The following ADGB variants were observed in gnomAD, a reference collection of about 807,000 sequenced individuals.
The protein encoded by ADGB is calpain-7-like protein.
ADGB carries 172 observed loss-of-function variants against 210.5 expected under a neutral mutation model. The observed-to-expected ratio is 0.82, with a 90% CI of 0.72 to 0.93. The LOEUF (loss-of-function observed/expected upper bound fraction) is 0.93, where lower values mean the gene tolerates loss of function less well. Ranked by LOEUF, ADGB falls within the 40% of genes least tolerant of loss-of-function variation. The pLI is 0.00. For synonymous variants in ADGB, 658 were observed against 662.7 expected, an observed-to-expected ratio of 0.99 and a Z score of 0.11; for missense variants, 2,025 against 1,964.8, an observed-to-expected ratio of 1.03 and a Z score of -0.58.
At chr6:146,686,555 A>C (rs1776236911) in intron 10 of ADGB, among the ~76,000 whole-genome samples, 1 of 152,092 alleles carries the variant, frequency 6.6e-6, no homozygotes, top group African/African-American at 2.4e-5. Context: ...CATGATGTTA[A>C]ATTTTAATCA....
intron 33 of ADGB, among the ~76,000 whole-genome samples, chr6:146,800,802 T>G (rs941051066): frequency 6.6e-6 from 1 of 152,212 alleles, no homozygotes; most frequent in East Asian, 1.9e-4. Flanking sequence ...AGTGTAGCAT[T>G]TGGGCAAAGC....
intron 35 of ADGB, chr6:146,802,808 A>G: frequency 6.2e-7 from 1 of 1,607,818 alleles, no homozygotes; most frequent in Non-Finnish European, 8.5e-7. Flanking sequence ...ATGTAACTGT[A>G]ATAAATAAGC....
At chr6:146,664,166 T>C in intron 5 of ADGB, 35 bp from the exon 6 acceptor site, 1 of 1,519,682 alleles carries the variant, frequency 6.6e-7, no homozygotes, top group Non-Finnish European at 8.9e-7. Flanking sequence ...CTGTAAGCCA[T>C]TGATGGTATT....
chr6:146,610,340 A>G lies in ADGB; in HGVS notation c.74+11226A>G, dbSNP rs1279555649. Among the ~76,000 whole-genome samples the G allele has an allele frequency of 3.9e-5, 6 of 152,078 alleles. No individual in the cohort carries two copies. The East Asian group carries it at 1.2e-3, about 29-fold the overall frequency. ...CCAGATGCTGAATTCTATGTCTGTC[A>G]TTTCAGTCATTTGAGTCTGGTTGGG... is the stretch of plus-strand genomic sequence containing the variant. On this transcript the variant is annotated intron_variant, in intron 1 of 35. Transcript: ENST00000397944.
chr6:146,773,498 G>T (rs957110896), intron 29 of ADGB, among the ~76,000 whole-genome samples: 1 of 152,046 alleles, frequency 6.6e-6, no homozygotes, highest in African/African-American at 2.4e-5. Flanking sequence ...AGACCTAGAA[G>T]TTTAATCACT....
intron 9 of ADGB, among the ~76,000 whole-genome samples, chr6:146,685,191 C>A (rs1776213863): frequency 6.6e-6 from 1 of 151,890 alleles, no homozygotes; most frequent in Admixed American, 6.6e-5. Flanking sequence ...ACATTACAAA[C>A]AAATAAGCAA....
intron 12 of ADGB, among the ~76,000 whole-genome samples, chr6:146,697,696 A>G (rs1350661725): frequency 1.3e-5 from 2 of 152,164 alleles, no homozygotes; most frequent in Non-Finnish European, 2.9e-5. Flanking sequence ...AGTGGTTCTC[A>G]GAAGTAGGAG....
At chr6:146,797,149 AC>A (rs1442310228) in intron 33 of ADGB, among the ~76,000 whole-genome samples, 2 of 152,222 alleles carry the variant, frequency 1.3e-5, no homozygotes, top group Non-Finnish European at 2.9e-5. Flanking sequence ...ACAATGTGAT[AC>A]TACCTTATTC....
chr6:146,666,728 T>G, intron 6 of ADGB, 88 bp from the exon 7 acceptor site: 1 of 735,902 alleles, frequency 1.4e-6, no homozygotes. Context: ...CAGAATATAT[T>G]GCTGTTTATT....
chr6:146,700,212 A>G (rs1583596035), intron 12 of ADGB, among the ~76,000 whole-genome samples: 3 of 152,182 alleles, frequency 2.0e-5, no homozygotes, highest in East Asian at 3.9e-4. Context: ...TTGTAGCAAC[A>G]CTCCAGGTTT....
intron 12 of ADGB, among the ~76,000 whole-genome samples, chr6:146,694,112 C>A (rs1456505267): frequency 2.0e-5 from 3 of 152,190 alleles, no homozygotes; most frequent in Non-Finnish European, 4.4e-5. Flanking sequence ...CAAACTCTTC[C>A]AGCCTTTATT....
intron 1 of ADGB, among the ~76,000 whole-genome samples, chr6:146,618,279 A>G (rs1482546636): frequency 6.6e-6 from 1 of 150,754 alleles, no homozygotes; most frequent in Non-Finnish European, 1.5e-5. Flanking sequence ...TTTTTTTCTT[A>G]GTCAAGCTAA....
chr6:146,690,702 C>G (rs1650172496), intron 10 of ADGB, among the ~76,000 whole-genome samples: 1 of 152,102 alleles, frequency 6.6e-6, no homozygotes, highest in Non-Finnish European at 1.5e-5. Flanking sequence ...ACTGAACACA[C>G]TCAAGAAAGT....
intron 35 of ADGB, among the ~76,000 whole-genome samples, chr6:146,812,969 C>T (rs1361616238): frequency 6.6e-6 from 1 of 152,180 alleles, no homozygotes; most frequent in Non-Finnish European, 1.5e-5. Context: ...GCTCTCCAGG[C>T]TTATCTTTCC....
chr6:146,610,823 A>C (rs988218969), intron 1 of ADGB, among the ~76,000 whole-genome samples: 5 of 152,262 alleles, frequency 3.3e-5, no homozygotes, highest in African/African-American at 1.2e-4. Context: ...CTGCTCATAA[A>C]TGTGCACTGG....
intron 1 of ADGB, among the ~76,000 whole-genome samples, chr6:146,603,809 G>C (rs975288441): frequency 2.0e-5 from 3 of 152,128 alleles, no homozygotes; most frequent in Admixed American, 2.0e-4. Flanking sequence ...ATAAAATAGA[G>C]GAACAAATAT....
intron 15 of ADGB, 101 bp downstream of exon 15, chr6:146,717,170 A>G (rs1421413482): frequency 3.0e-6 from 3 of 1,005,466 alleles, no homozygotes; most frequent in African/African-American, 3.3e-5. Context: ...TGCATATTTA[A>G]TATAGTGGTT....
At position 146,636,662 on chromosome 6, in the gene ADGB, G is replaced by A. The variant is rs146734691; in HGVS notation, c.237+1125G>A. ...TGTGTGTGGGTGTGGTAAAATCTAG[G>A]ATAGAACCTTACTTTCCACTTCCAG... is the stretch of plus-strand genomic sequence containing the variant. On this transcript the variant is annotated intron_variant, in intron 2 of 35. Coordinates refer to ENST00000397944, the MANE Select transcript of ADGB (RefSeq NM_024694.4). 6.0e-3 allele frequency among the ~76,000 whole-genome samples: 905 copies of A among 151,696 alleles called. 4 individuals are homozygous for A. Among genetic ancestry groups the A allele is most frequent in the Admixed American group, 9.2e-3 (139 of 15,180 alleles).
chr6:146,688,791 A>C (rs970615564), intron 10 of ADGB, among the ~76,000 whole-genome samples: 8 of 152,140 alleles, frequency 5.3e-5, no homozygotes, highest in Non-Finnish European at 8.8e-5. Context: ...ACAATGTCTT[A>C]AGAATATACC....
Sources: gnomAD v4.1 joint callset for allele counts (sites outside exome capture counted in the v4.1 genomes callset) on GRCh38, gnomAD v4.1.1 for gene constraint, MANE v1.5 for transcripts, NCBI Gene and HGNC (gene_info 2026-07-23, HGNC 2026-07-21) for gene names.